Variants in TAF4B observed in about 807,000 individuals in gnomAD.
The protein encoded by TAF4B is TATA-box binding protein associated factor 4b, also known as transcription initiation factor TFIID subunit 4B.
In TAF4B, 38 loss-of-function variants were observed where a neutral mutation model predicts 86.4. The observed-to-expected ratio is 0.44, with a 90% CI of 0.34 to 0.58. The LOEUF (loss-of-function observed/expected upper bound fraction) is 0.58, where lower values mean the gene tolerates loss of function less well. Ranked by LOEUF, TAF4B falls within the 20% of genes least tolerant of loss-of-function variation. The pLI, the probability that TAF4B is intolerant of heterozygous loss-of-function variation, is 0.02. For missense variants in TAF4B, 988 were observed against 1,027.6 expected (o/e 0.96, Z 0.53); for synonymous variants, 388 against 391.2 (o/e 0.99, Z 0.10).
chr18:26,353,517 G>T (rs1310262605), intron 13 of TAF4B, among the ~76,000 whole-genome samples: 1 of 152,208 alleles, frequency 6.6e-6, no homozygotes, highest in Non-Finnish European at 1.5e-5. Flanking sequence ...GATAGCTTGA[G>T]ACCAGGAATT....
At chr18:26,310,618 C>T (rs868016001) in intron 9 of TAF4B, among the ~76,000 whole-genome samples, 1 of 152,040 alleles carries the variant, frequency 6.6e-6, no homozygotes, top group Non-Finnish European at 1.5e-5. Context: ...ATAACTAGAT[C>T]TTAAAATAAA....
intron 9 of TAF4B, among the ~76,000 whole-genome samples, chr18:26,313,150 A>C (rs2056869292): frequency 6.6e-6 from 1 of 152,156 alleles, no homozygotes; most frequent in African/African-American, 2.4e-5. Context: ...AGTGGTTGAG[A>C]GGGACCTTAG....
At chr18:26,271,946 C>T (rs1338530348) in intron 3 of TAF4B, among the ~76,000 whole-genome samples, 2 of 145,472 alleles carry the variant, frequency 1.4e-5, no homozygotes, top group East Asian at 4.0e-4. Flanking sequence ...AAAAAAAAGA[C>T]ACTTTTAAGG....
intron 9 of TAF4B, among the ~76,000 whole-genome samples, chr18:26,299,545 T>A (rs1296073319): frequency 6.6e-6 from 1 of 152,136 alleles, no homozygotes; most frequent in East Asian, 1.9e-4. Context: ...TTAAAAAAAA[T>A]GAGTCATAGT....
chr18:26,373,987 C>T (rs912891715), intron 14 of TAF4B, among the ~76,000 whole-genome samples: 1 of 152,126 alleles, frequency 6.6e-6, no homozygotes, highest in African/African-American at 2.4e-5. Context: ...AGCATGGTGG[C>T]CATGATAGCC....
chr18:26,365,385 G>C (rs1310950673), intron 14 of TAF4B, among the ~76,000 whole-genome samples: 1 of 152,176 alleles, frequency 6.6e-6, no homozygotes, highest in African/African-American at 2.4e-5. Context: ...ATATTTGATT[G>C]AAAATCAGAA....
intron 12 of TAF4B, among the ~76,000 whole-genome samples, chr18:26,327,510 G>A (rs1447258729): frequency 2.0e-5 from 3 of 152,206 alleles, no homozygotes; most frequent in Non-Finnish European, 4.4e-5. Context: ...TAGTAATTTG[G>A]ATTTTGTGGA....
chr18:26,293,526 C>A lies in TAF4B; in HGVS notation c.1827C>A (p.Cys609Ter). The change falls in exon 9 of 15, where the codon TGC becomes TGA. Residue 609 changes from cysteine to a stop codon, truncating the protein, a stop_gained. Transcript: ENST00000269142. LOFTEE classifies it high-confidence loss of function. ...GAATAAAAGAGAATGTAACATCATG[C>A]TTCCGGTAAGAAAATAAATAGTTAA... ...KNRIKENVTS[C>*]FRDEDDINDV... 1 of 1,548,896 alleles carries A rather than the reference C, an allele frequency of 6.5e-7. No individual in the cohort carries two copies. Among genetic ancestry groups the A allele is most frequent in the Non-Finnish European group, 8.7e-7 (1 of 1,154,734 alleles).
At position 26,280,209 on chromosome 18, in the gene TAF4B, G is replaced by C. The variant is rs577764583; in HGVS notation, c.883-1762G>C. On this transcript the variant is annotated intron_variant, in intron 5 of 14. Transcript: ENST00000269142. ...AAATGTAAGACCTCAAACTGTAAAA[G>C]TCCTAGAAGAAAACCCAGGAAATAC... Among the ~76,000 whole-genome samples the C allele has an allele frequency of 2.0e-5, 3 of 152,186 alleles. No homozygotes were observed. In the East Asian group the frequency reaches 5.8e-4, roughly 29 times the overall value.
intron 5 of TAF4B, among the ~76,000 whole-genome samples, chr18:26,278,114 G>A (rs1476689989): frequency 6.6e-6 from 1 of 152,252 alleles, no homozygotes; most frequent in African/African-American, 2.4e-5. Context: ...AAAGTGGCTA[G>A]TTTAGCGACT....
chr18:26,344,357 AT>A (rs199760424), intron 13 of TAF4B, among the ~76,000 whole-genome samples: 2,301 of 147,672 alleles, frequency 0.016, 52 homozygotes, highest in African/African-American at 0.046. Flanking sequence ...TAGAAAAACT[AT>A]TTTTTTTTTT....
At chr18:26,301,678 G>A (rs530416692) in intron 9 of TAF4B, among the ~76,000 whole-genome samples, 2 of 152,042 alleles carry the variant, frequency 1.3e-5, no homozygotes, top group East Asian at 1.9e-4. Context: ...TTTTAATCCC[G>A]TTTCTTTGCT....
chr18:26,336,790 T>C (rs2057095556), intron 13 of TAF4B, among the ~76,000 whole-genome samples: 1 of 152,208 alleles, frequency 6.6e-6, no homozygotes, highest in African/African-American at 2.4e-5. Context: ...CTAATTGCAT[T>C]CCCTTTTTGG....
At chr18:26,380,065 A>G (rs145090300) in intron 14 of TAF4B, among the ~76,000 whole-genome samples, 1 of 152,282 alleles carries the variant, frequency 6.6e-6, no homozygotes, top group African/African-American at 2.4e-5. Flanking sequence ...TAAATGTCTT[A>G]GGATTTGCTA....
chr18:26,310,477 T>C (rs578059892), intron 9 of TAF4B, among the ~76,000 whole-genome samples: 3 of 152,250 alleles, frequency 2.0e-5, no homozygotes, highest in African/African-American at 7.2e-5. Flanking sequence ...CTTTAAAGCA[T>C]AGAAGAAGGA....
chr18:26,295,988 T>TTGTGTGTG (rs34047998), intron 9 of TAF4B, among the ~76,000 whole-genome samples: 1,904 of 150,090 alleles, frequency 0.013, 19 homozygotes, highest in Non-Finnish European at 0.015. Context: ...GTTCACGATT[T>TTGTGTGTG]TGTGTGTGTG....
chr18:26,384,384 T>A (rs771368963), intron 14 of TAF4B, among the ~76,000 whole-genome samples: 5 of 152,192 alleles, frequency 3.3e-5, no homozygotes, highest in Non-Finnish European at 4.4e-5. Flanking sequence ...CTTAGTTGAT[T>A]CTGTACAGCA....
intron 6 of TAF4B, among the ~76,000 whole-genome samples, chr18:26,283,440 T>C (rs945619442): frequency 2.0e-5 from 3 of 152,046 alleles, no homozygotes; most frequent in African/African-American, 7.3e-5. Context: ...TTTTTTTTTT[T>C]CTTCTGAGCA....
chr18:26,357,861 T>C, intron 14 of TAF4B, 67 bp downstream of exon 14: 1 of 1,223,134 alleles, frequency 8.2e-7, no homozygotes, highest in South Asian at 1.4e-5. Context: ...AAGCAAAGAC[T>C]TAAAAATAGT....
Sources: allele counts gnomAD v4.1 joint callset (sites outside exome capture counted in the v4.1 genomes callset), GRCh38; gene constraint gnomAD v4.1.1; transcripts MANE v1.5; gene names NCBI Gene and HGNC (gene_info 2026-07-23, HGNC 2026-07-21).